Variants in SORCS2 observed in about 807,000 individuals in gnomAD.
The protein encoded by SORCS2 is VPS10 domain-containing receptor SorCS2.
In SORCS2, 100 loss-of-function variants were observed where a neutral mutation model predicts 141.6. The observed-to-expected ratio is 0.71, with a 90% confidence interval of 0.60 to 0.83. The LOEUF (loss-of-function observed/expected upper bound fraction) is 0.83, where lower values mean the gene tolerates loss of function less well. Ranked by LOEUF, SORCS2 falls within the 40% of genes least tolerant of loss-of-function variation. The pLI, the probability that SORCS2 is intolerant of heterozygous loss-of-function variation, is 0.00. For synonymous variants in SORCS2, 789 were observed against 676.9 expected (o/e 1.17, Z -2.57); for missense variants, 1,646 against 1,560.2 (o/e 1.05, Z -0.93).
intron 2 of SORCS2, among the ~76,000 whole-genome samples, chr4:7,467,531 G>T (rs1729696329): frequency 6.6e-6 from 1 of 152,234 alleles, no homozygotes; most frequent in African/African-American, 2.4e-5. Flanking sequence ...AGCTGGGCTG[G>T]AGCCACCCAG....
At chr4:7,621,019 G>C (rs955206986) in intron 3 of SORCS2, among the ~76,000 whole-genome samples, 1 of 152,164 alleles carries the variant, frequency 6.6e-6, no homozygotes, top group South Asian at 2.1e-4. Context: ...AGGCACGGGG[G>C]GGTTGCCGGC....
intron 17 of SORCS2, 129 bp from the exon 18 acceptor site, chr4:7,717,883 C>A: frequency 1.1e-6 from 1 of 939,660 alleles, no homozygotes. Flanking sequence ...TGGGAGTTAG[C>A]AAGTAGAGTC....
At position 7,310,400 on chromosome 4, in the gene SORCS2, A is replaced by G. The variant is rs554216307; in HGVS notation, c.481-85888A>G. 1.9e-4 allele frequency: 30 copies of G among 154,350 alleles called. 1 individual carries two copies. The Middle Eastern group carries it at 0.012, about 61-fold the overall frequency. The allele number at this position is 154,350 out of a possible 1,614,324, so 9.6% of individuals were successfully genotyped here. ...TCCTCAGAGCAGCCTCCCTATCCAC[A>G]TTGACCGGCTTTAAAAATGGCATTT... On this transcript the variant is annotated intron_variant, in intron 1 of 26. Transcript: ENST00000507866.
chr4:7,395,512 C>T (rs1021683703), intron 1 of SORCS2, among the ~76,000 whole-genome samples: 2 of 152,176 alleles, frequency 1.3e-5, no homozygotes, highest in East Asian at 1.9e-4. Context: ...CCATCAGGGC[C>T]GGTGCATCCT....
At chr4:7,627,782 A>G (rs1490088640) in intron 3 of SORCS2, among the ~76,000 whole-genome samples, 1 of 152,224 alleles carries the variant, frequency 6.6e-6, no homozygotes, top group Non-Finnish European at 1.5e-5. Flanking sequence ...TTATTTGGTA[A>G]AATAGTTCTA....
intron 2 of SORCS2, among the ~76,000 whole-genome samples, chr4:7,452,593 CCTGGACCAGAGGAT>C (rs576681351): frequency 6.6e-6 from 1 of 152,374 alleles, no homozygotes; most frequent in African/African-American, 2.4e-5. Flanking sequence ...CCTGCTGACT[CCTGGACCAGAGGAT>C]CTGGACCCAC....
intron 9 of SORCS2, among the ~76,000 whole-genome samples, chr4:7,679,377 G>A (rs1242689614): frequency 1.3e-5 from 2 of 152,208 alleles, no homozygotes; most frequent in African/African-American, 4.8e-5. Context: ...CATCGAAATG[G>A]TGGCTCACAT....
chr4:7,601,671 G>GT (rs1553890697), intron 3 of SORCS2, among the ~76,000 whole-genome samples: 3 of 130,050 alleles, frequency 2.3e-5, no homozygotes, highest in South Asian at 3.0e-4. Flanking sequence ...TTGTTTGTTT[G>GT]TTTGTTTTTT....
Position 7,304,151 on chromosome 4 carries a change from A to C in SORCS2, c.481-92137A>C, listed in dbSNP as rs543460039. 5.3e-4 allele frequency among the ~76,000 whole-genome samples: 81 copies of C among 152,344 alleles called. 1 individual carries two copies. Among genetic ancestry groups the C allele is most frequent in the African/African-American group, 1.9e-3 (80 of 41,558 alleles). ...CCCCACGCTGGAGATAACAGCAAAGAGCAAAAGACCAAACCCTGAGTCTTC... is the reference window on the plus strand; with the variant it reads ...CCCCACGCTGGAGATAACAGCAAAGCGCAAAAGACCAAACCCTGAGTCTTC... On this transcript the variant is annotated intron_variant, in intron 1 of 26. Transcript: ENST00000507866.
intron 2 of SORCS2, among the ~76,000 whole-genome samples, chr4:7,409,795 T>C (rs1335443059): frequency 6.6e-6 from 1 of 152,346 alleles, no homozygotes; most frequent in Non-Finnish European, 1.5e-5. Flanking sequence ...ATCTTCACAT[T>C]TGCATTCTGA....
chr4:7,666,945 G>C (rs552898094), intron 7 of SORCS2, among the ~76,000 whole-genome samples, 179 bp from the exon 8 acceptor site: 1 of 152,064 alleles, frequency 6.6e-6, no homozygotes, highest in Admixed American at 6.5e-5. Flanking sequence ...CCCAGAGGAG[G>C]GGTGTTAATT....
At chr4:7,226,490 G>A (rs1728999942) in intron 1 of SORCS2, among the ~76,000 whole-genome samples, 1 of 152,172 alleles carries the variant, frequency 6.6e-6, no homozygotes, top group Non-Finnish European at 1.5e-5. Flanking sequence ...TGACGGCCGG[G>A]TGAGTGGGGG....
intron 14 of SORCS2, among the ~76,000 whole-genome samples, chr4:7,709,504 A>G (rs1022364137): frequency 6.6e-6 from 1 of 152,232 alleles, no homozygotes; most frequent in African/African-American, 2.4e-5. Context: ...GCAACAGAAC[A>G]GTTCCTCCAG....
At chr4:7,621,113 C>G (rs572243584) in intron 3 of SORCS2, among the ~76,000 whole-genome samples, 1 of 152,186 alleles carries the variant, frequency 6.6e-6, no homozygotes, top group East Asian at 1.9e-4. Context: ...AGGCACCTCC[C>G]CTGCTGGGGG....
chr4:7,216,775 C>A (rs973485216), intron 1 of SORCS2, among the ~76,000 whole-genome samples: 1 of 152,182 alleles, frequency 6.6e-6, no homozygotes, highest in Non-Finnish European at 1.5e-5. Context: ...AACGTTTCTA[C>A]AAGGGAACCC....
intron 3 of SORCS2, among the ~76,000 whole-genome samples, chr4:7,582,400 A>G (rs1349453943): frequency 2.0e-5 from 3 of 152,226 alleles, no homozygotes; most frequent in Non-Finnish European, 4.4e-5. Context: ...TTCTCCAGGT[A>G]GTTGAACATC....
intron 2 of SORCS2, among the ~76,000 whole-genome samples, chr4:7,418,681 G>A (rs912617585): frequency 6.8e-6 from 1 of 146,632 alleles, no homozygotes; most frequent in African/African-American, 2.5e-5. Flanking sequence ...ATATCAGTTA[G>A]CTTTTGCTGC....
chr4:7,532,947 C>A (rs28655382), intron 3 of SORCS2, among the ~76,000 whole-genome samples: 12,274 of 151,786 alleles, frequency 0.081, 602 homozygotes, highest in African/African-American at 0.13. Flanking sequence ...ACACGAGAGG[C>A]GCCTGCTGGA....
Position 7,714,111 on chromosome 4 carries a change from G to C in SORCS2, c.1990-129G>C, listed in dbSNP as rs1241252186. 3 of 1,340,698 alleles carry C rather than the reference G, an allele frequency of 2.2e-6. No homozygotes were observed. The African/African-American group carries it at 4.4e-5, about 20-fold the overall frequency. 83.1% of individuals were successfully genotyped at this position (1,340,698 alleles called of 1,614,324 possible). A position where few individuals can be genotyped will look rare whatever the true frequency, so the allele number is the denominator to read the frequency against. On this transcript the variant is annotated intron_variant, in intron 15 of 26. Transcript: ENST00000507866. Reference sequence around the variant, plus strand: ...GCAGACATGTCACGCCCCATTATGGGCCTCAGTTTCCCCATCTGTAACCTG... The same window carrying C: ...GCAGACATGTCACGCCCCATTATGGCCCTCAGTTTCCCCATCTGTAACCTG...
Sources: allele counts gnomAD v4.1 joint callset (sites outside exome capture counted in the v4.1 genomes callset), GRCh38; gene constraint gnomAD v4.1.1; transcripts MANE v1.5; gene names NCBI Gene and HGNC (gene_info 2026-07-23, HGNC 2026-07-21).